PFAS: variants seen among roughly 807,000 people sequenced by gnomAD.
PFAS encodes FGAM synthase.
A neutral mutation model predicts 140.6 loss-of-function variants in PFAS; 97 were observed. That is an observed-to-expected ratio of 0.69 (90% CI 0.59 to 0.82). The LOEUF (loss-of-function observed/expected upper bound fraction) is 0.82. Ranked by LOEUF, PFAS falls within the 40% of genes least tolerant of loss-of-function variation. The pLI is 0.00. For synonymous variants in PFAS, 679 were observed against 718.8 expected (o/e 0.94, Z 0.88); for missense variants, 1,656 against 1,780.2 (o/e 0.93, Z 1.26).
chr17:8,264,365 TC>T (rs1989722921), intron 16 of PFAS, 28 bp downstream of exon 16: 1 of 1,612,824 alleles, frequency 6.2e-7, no homozygotes. Context: ...GATGGGTTTT[TC>T]CTGTGGTCCT....
chr17:8,253,993 CT>C lies in PFAS; in HGVS notation c.57del (p.Gly20AspfsTer25). 1 of 1,614,204 alleles carries C rather than the reference CT, an allele frequency of 6.2e-7. No individual in the cohort carries two copies. The highest frequency in any genetic ancestry group is 8.5e-7 in the Non-Finnish European group (1 of 1,180,044). On this transcript the variant is annotated frameshift_variant, in exon 2 of 28. Transcript: ENST00000314666. LOFTEE classifies it high-confidence loss of function. ...VRPSGHEGAA[P>X]GHTRRKLQGK... ...CCCTCTGGCCATGAGGGGGCAGCCC[CT>C]GGACACACTCGGAGGAAACTGCAAG...
At chr17:8,264,033 G>A in intron 15 of PFAS, 97 bp downstream of exon 15, 1 of 1,503,714 alleles carries the variant, frequency 6.7e-7, no homozygotes, top group African/African-American at 1.4e-5. Context: ...AGAGACGAGA[G>A]GAAGATGGGA....
Position 8,253,983 on chromosome 17 carries a change from G to A in PFAS, c.46G>A (p.Gly16Arg). The change falls in exon 2 of 28, where the codon GGG becomes AGG. Residue 16 changes from glycine (G) to arginine (R), a missense_variant. This residue lies in a region of PFAS where 773 missense variants were observed against 757.3 expected (regional missense o/e 1.02). Transcript: ENST00000314666. Reference protein sequence around the residue: ...HFYVRPSGHEGAAPGHTRRKL... With the variant: ...HFYVRPSGHERAAPGHTRRKL... ...CTATGTTCGTCCCTCTGGCCATGAG[G>A]GGGCAGCCCCTGGACACACTCGGAG... 6.2e-7 allele frequency: 1 copy of A among 1,614,108 alleles called. No individual in the cohort carries two copies. Among genetic ancestry groups the A allele is most frequent in the Non-Finnish European group, 8.5e-7 (1 of 1,180,016 alleles).
At chr17:8,249,463 C>T (rs553645283) in intron 1 of PFAS, 124 bp downstream of exon 1, 2 of 152,226 alleles carry the variant, frequency 1.3e-5, no homozygotes, top group Non-Finnish European at 2.9e-5. Context: ...ACTTGGTGCC[C>T]GCGTATTTGC....
At chr17:8,254,579 C>T (rs924747690) in intron 3 of PFAS, among the ~76,000 whole-genome samples, 1 of 152,128 alleles carries the variant, frequency 6.6e-6, no homozygotes, top group African/African-American at 2.4e-5. Context: ...CGAGGTGGGG[C>T]AGATCACGAG....
chr17:8,260,208 T>C (rs1218016866), intron 11 of PFAS, among the ~76,000 whole-genome samples: 1 of 148,964 alleles, frequency 6.7e-6, no homozygotes, highest in Non-Finnish European at 1.5e-5. Context: ...TGGTTTGCAG[T>C]ATACTTTTGT....
chr17:8,248,805 C>G (rs57655348), upstream of PFAS, among the ~76,000 whole-genome samples: 1,389 of 152,262 alleles, frequency 9.1e-3, 20 homozygotes, highest in African/African-American at 0.031. Flanking sequence ...GCGATCTGCC[C>G]GCCTCGGGCT....
intron 10 of PFAS, 61 bp from the exon 11 acceptor site, chr17:8,258,010 G>A: frequency 1.9e-6 from 3 of 1,612,628 alleles, no homozygotes; most frequent in South Asian, 2.2e-5. Context: ...CCCAGGGGCT[G>A]TGCTATTGGG....
chr17:8,253,961 T>C lies in PFAS; in HGVS notation c.24T>C (p.Tyr8=). 1 of 1,614,000 alleles carries C rather than the reference T, an allele frequency of 6.2e-7. No homozygotes were observed. Among genetic ancestry groups the C allele is most frequent in the Non-Finnish European group, 8.5e-7 (1 of 1,179,918 alleles). Reference sequence around the variant, plus strand: ...AGATGTCCCCAGTCCTTCACTTCTATGTTCGTCCCTCTGGCCATGAGGGGG... The same window carrying C: ...AGATGTCCCCAGTCCTTCACTTCTACGTTCGTCCCTCTGGCCATGAGGGGG... The part of the protein sequence containing the change: MSPVLHF[Y]VRPSGHEGAA... Residue 8 remains tyrosine (Y), a synonymous_variant, in exon 2 of 28, where the codon TAT becomes TAC. Transcript: ENST00000314666.
Position 8,268,715 on chromosome 17 carries a change from C to G in PFAS, c.3565C>G (p.Arg1189Gly). ...GATGGGCCCTGACTCCCAGCCAGCC[C>G]GGCCAGGCCTTCTGCTACGCCACAA... is the stretch of plus-strand genomic sequence containing the variant. ...AEMGPDSQPARPGLLLRHNLS... is the reference protein window; with the variant it reads ...AEMGPDSQPAGPGLLLRHNLS... Residue 1189 changes from arginine to glycine, a missense_variant, in exon 27 of 28, where the codon CGG (arginine) becomes GGG (glycine). Around this residue, in one of 2 missense-constraint regions of PFAS, gnomAD observed 883 missense variants for 1,023.0 expected, o/e 0.86. Transcript: ENST00000314666. 6.2e-7 allele frequency: 1 copy of G among 1,613,348 alleles called. No individual in the cohort carries two copies. The highest frequency in any genetic ancestry group is 8.5e-7 in the Non-Finnish European group (1 of 1,179,946).
intron 17 of PFAS, 83 bp downstream of exon 17, chr17:8,264,684 G>T: frequency 7.0e-7 from 1 of 1,438,584 alleles, no homozygotes; most frequent in South Asian, 1.3e-5. Context: ...AAAGTGCTGT[G>T]GGGGTTTTTG....
In PFAS at chr17:8,267,082, C is replaced by T. The variant is rs1326077910; in HGVS notation, c.3022C>T (p.Arg1008Ter). The T allele has an allele frequency of 2.5e-6, 4 of 1,613,930 alleles. No individual in the cohort carries two copies. Among genetic ancestry groups the T allele is most frequent in the Admixed American group, 1.7e-5 (1 of 59,992 alleles). Reference protein sequence around the residue: ...VVLEEPVGELRALWEETSFQL... With the variant: ...VVLEEPVGEL ...TCTGGAGGAGCCTGTTGGGGAGCTG[C>T]GAGCCCTCTGGGAGGAGACGAGTTT... is the stretch of plus-strand genomic sequence containing the variant. The change falls in exon 24 of 28, where the codon CGA becomes TGA. Residue 1008 changes from arginine (R) to a stop codon, truncating the protein, a stop_gained. Transcript: ENST00000314666. LOFTEE classifies it high-confidence loss of function. This position sits in a 1 kb window ranked among gnomAD's most constrained non-coding sequence, Gnocchi z 4.9.
intron 11 of PFAS, among the ~76,000 whole-genome samples, chr17:8,258,824 A>C (rs1243986685): frequency 6.6e-6 from 1 of 151,942 alleles, no homozygotes; most frequent in African/African-American, 2.4e-5. Context: ...GTCTCTACTA[A>C]AAAAATAAAA....
At chr17:8,255,761 C>T in intron 5 of PFAS, 44 bp from the exon 6 acceptor site, 1 of 1,600,896 alleles carries the variant, frequency 6.2e-7, no homozygotes, top group Non-Finnish European at 8.6e-7. Flanking sequence ...TGGAATGTGG[C>T]TGCCTGAGTT....
At position 8,255,634 on chromosome 17, in the gene PFAS, C is replaced by A; in HGVS notation, c.517C>A (p.Pro173Thr). The A allele has an allele frequency of 6.3e-7, 1 of 1,582,190 alleles. No individual in the cohort carries two copies. Among genetic ancestry groups the A allele is most frequent in the Non-Finnish European group, 8.6e-7 (1 of 1,166,938 alleles). Residue 173 changes from proline to threonine, a missense_variant, in exon 5 of 28, where the codon CCT (proline) becomes ACT (threonine). Around this residue, in one of 2 missense-constraint regions of PFAS, gnomAD observed 773 missense variants for 757.3 expected, o/e 1.02. Coordinates refer to ENST00000314666, the MANE Select transcript of PFAS (RefSeq NM_012393.3). ...GAGCATGCCGGAACCCCTCAATGGC[C>A]CTATCAATATACTGGGTGAGGGCCG... ...PESMPEPLNGPINILGEGRLA... is the reference protein window; with the variant it reads ...PESMPEPLNGTINILGEGRLA...
chr17:8,256,739 T>G (rs1989383442), intron 8 of PFAS, 91 bp downstream of exon 8: 8 of 1,556,996 alleles, frequency 5.1e-6, no homozygotes, highest in Non-Finnish European at 6.1e-6. Context: ...GGGAAAATAA[T>G]CAGGGAAATT....
At chr17:8,247,974 A>G (rs767163164), upstream of PFAS, 73 of 1,603,264 alleles carry the variant, frequency 4.6e-5, no homozygotes, top group South Asian at 7.9e-4. Flanking sequence ...ACAAGAAAAA[A>G]GGAACAAGAG....
chr17:8,255,535 A>G lies in PFAS; in HGVS notation c.418A>G (p.Ile140Val). 6.5e-7 allele frequency: 1 copy of G among 1,526,868 alleles called. No homozygotes were observed. The highest frequency in any genetic ancestry group is 8.8e-7 in the Non-Finnish European group (1 of 1,141,284). The allele number at this position is 1,526,868 out of a possible 1,614,324, so 94.6% of individuals were successfully genotyped here. A position where few individuals can be genotyped will look rare whatever the true frequency, so the allele number is the denominator to read the frequency against. Reference protein sequence around the residue: ...AHPPSAEVEAIALATLHDRMT... With the variant: ...AHPPSAEVEAVALATLHDRMT... ...CCCCCCGTCAGCTGAGGTGGAAGCCATTGCTCTGGCTACCCTGCACGACCG... is the reference window on the plus strand; with the variant it reads ...CCCCCCGTCAGCTGAGGTGGAAGCCGTTGCTCTGGCTACCCTGCACGACCG... The change falls in exon 5 of 28, where the codon ATT becomes GTT. Residue 140 changes from isoleucine (I) to valine (V), a missense_variant. Ile to Val is a conservative substitution (Grantham distance 29, BLOSUM62 3). Transcript: ENST00000314666.
chr17:8,260,701 T>C (rs943987065), intron 11 of PFAS, among the ~76,000 whole-genome samples: 1 of 152,224 alleles, frequency 6.6e-6, no homozygotes, highest in Admixed American at 6.5e-5. Context: ...CTCGGCTCAC[T>C]GCAAGCCCCG....
Sources: gnomAD v4.1 joint callset for allele counts (sites outside exome capture counted in the v4.1 genomes callset) on GRCh38, gnomAD v4.1.1 for gene constraint, gnomAD v4.1.1 regional missense constraint, Gnocchi (gnomAD v3.1) non-coding constraint, MANE v1.5 for transcripts, NCBI Gene and HGNC (gene_info 2026-07-23, HGNC 2026-07-21) for gene names.